Variants in ZMYND8 observed in about 807,000 individuals in gnomAD.
ZMYND8 encodes zinc finger MYND-type containing 8, also known as MYND-type zinc finger-containing chromatin reader ZMYND8.
Under a neutral mutation model 140.8 loss-of-function variants are expected in ZMYND8, and 37 were observed. The observed-to-expected ratio is 0.26, with a 90% confidence interval of 0.20 to 0.35. The LOEUF (loss-of-function observed/expected upper bound fraction) is 0.35. Ranked by LOEUF, ZMYND8 falls within the 10% of genes least tolerant of loss-of-function variation. ZMYND8 has a pLI of 1.00. For missense variants in ZMYND8, 1,068 were observed against 1,570.0 expected (o/e 0.68, Z 5.40); for synonymous variants, 592 against 597.1 (o/e 0.99, Z 0.12).
At chr20:47,240,236 CG>C (rs1380780937) in intron 14 of ZMYND8, among the ~76,000 whole-genome samples, 1 of 151,044 alleles carries the variant, frequency 6.6e-6, no homozygotes, top group Non-Finnish European at 1.5e-5. Flanking sequence ...ACTAATAGGC[CG>C]GGCGCAGTGG....
chr20:47,294,286 A>T (rs1480182646), intron 5 of ZMYND8, among the ~76,000 whole-genome samples: 1 of 152,024 alleles, frequency 6.6e-6, no homozygotes, highest in East Asian at 1.9e-4. Context: ...TGGGAGGCAG[A>T]GGTTGCAGTG....
At position 47,255,767 on chromosome 20, in the gene ZMYND8, G is replaced by C. The variant is rs542814118; in HGVS notation, c.1622-6328C>G. Reference sequence around the variant, plus strand: ...ATATATATATATATATATATATACGGTATATATATATATTTGTATGTGTAT... The same window carrying C: ...ATATATATATATATATATATATACGCTATATATATATATTTGTATGTGTAT... On this transcript the variant is annotated intron_variant, in intron 12 of 22. Transcript: ENST00000471951. Among the ~76,000 whole-genome samples, 420 of 67,392 alleles carry C rather than the reference G, an allele frequency of 6.2e-3. 7 individuals carry two copies. The highest frequency in any genetic ancestry group is 0.029 in the African/African-American group (406 of 14,058). 44.2% of individuals were successfully genotyped at this position (67,392 alleles called of 152,430 possible).
chr20:47,280,053 G>A (rs1181741639), intron 10 of ZMYND8, among the ~76,000 whole-genome samples: 1 of 149,414 alleles, frequency 6.7e-6, no homozygotes, highest in Non-Finnish European at 1.5e-5. Context: ...AATCCGGGAA[G>A]AGAAGGCTGC....
chr20:47,273,884 A>C (rs2076104971), intron 11 of ZMYND8, among the ~76,000 whole-genome samples: 1 of 152,252 alleles, frequency 6.6e-6, no homozygotes, highest in Non-Finnish European at 1.5e-5. Flanking sequence ...AAAAGGGGGC[A>C]ATTTGTAAGA....
intron 2 of ZMYND8, among the ~76,000 whole-genome samples, chr20:47,337,559 TTCC>T (rs1218684735): frequency 6.6e-6 from 1 of 152,140 alleles, no homozygotes; most frequent in African/African-American, 2.4e-5. Flanking sequence ...ACTTTGACAC[TTCC>T]TTAATTCATC....
At chr20:47,261,908 TA>T (rs1279864999) in intron 12 of ZMYND8, among the ~76,000 whole-genome samples, 14 of 151,950 alleles carry the variant, frequency 9.2e-5, no homozygotes, top group African/African-American at 3.1e-4. Flanking sequence ...CTGTCTCTAC[TA>T]AAAATAGAAA....
In ZMYND8 at chr20:47,246,270, G is replaced by A. The variant is rs1601216298; in HGVS notation, c.2022C>T (p.Ala674=). The change falls in exon 14 of 23, where the codon GCC becomes GCT. Residue 674 remains alanine (A), a synonymous_variant. Transcript: ENST00000471951. ...IKEELKSTSP[A]SEKADPGAVK... is the part of the protein sequence containing the mutation. The stretch of plus-strand genomic sequence containing the variant: ...CTGCTCCAGGGTCTGCCTTCTCGCT[G>A]GCTGGTGACGTGCTTTTCAGCTCCT... The A allele has an allele frequency of 1.2e-6, 2 of 1,614,176 alleles. No individual in the cohort carries two copies. Among genetic ancestry groups the A allele is most frequent in the Non-Finnish European group, 1.7e-6 (2 of 1,180,036 alleles).
intron 12 of ZMYND8, among the ~76,000 whole-genome samples, chr20:47,251,648 A>G (rs2147360503): frequency 6.6e-6 from 1 of 152,314 alleles, no homozygotes; most frequent in Non-Finnish European, 1.5e-5. Flanking sequence ...CTGTCCGGCA[A>G]GAAATCTGAA....
chr20:47,223,813 C>T (rs1222335986), intron 19 of ZMYND8, among the ~76,000 whole-genome samples: 2 of 145,748 alleles, frequency 1.4e-5, no homozygotes, highest in Non-Finnish European at 3.0e-5. Flanking sequence ...GCAACAAGAG[C>T]GAAACTCTGT....
At chr20:47,290,127 A>G (rs538466546) in intron 7 of ZMYND8, 60 bp downstream of exon 7, 54 of 1,485,832 alleles carry the variant, frequency 3.6e-5, no homozygotes, top group Admixed American at 6.0e-5. Flanking sequence ...CATGAAGGAC[A>G]GGAATTTGTG....
chr20:47,297,248 T>C (rs1055117543), intron 4 of ZMYND8, among the ~76,000 whole-genome samples: 5 of 152,176 alleles, frequency 3.3e-5, no homozygotes, highest in Admixed American at 6.5e-5. Flanking sequence ...CGTCATCATA[T>C]TGATTTCATG....
intron 21 of ZMYND8, among the ~76,000 whole-genome samples, chr20:47,218,143 T>C (rs1025464960): frequency 3.3e-5 from 5 of 152,234 alleles, no homozygotes; most frequent in Non-Finnish European, 5.9e-5. Context: ...ATGGAAAAAG[T>C]TTCTTGACCC....
chr20:47,262,256 A>T, intron 12 of ZMYND8, 32 bp downstream of exon 12: 2 of 1,613,952 alleles, frequency 1.2e-6, no homozygotes, highest in African/African-American at 2.7e-5. Flanking sequence ...CACAGTTGCC[A>T]CAGAAAGATA....
intron 4 of ZMYND8, among the ~76,000 whole-genome samples, chr20:47,295,376 G>A (rs1403891534): frequency 1.3e-5 from 2 of 152,234 alleles, no homozygotes; most frequent in Non-Finnish European, 2.9e-5. Flanking sequence ...CTGGGTGACA[G>A]AGCGAGACCC....
In ZMYND8 at chr20:47,250,842, T is replaced by C. The variant is rs144595175; in HGVS notation, c.1622-1403A>G. 8.5e-5 allele frequency among the ~76,000 whole-genome samples: 13 copies of C among 152,272 alleles called. No homozygotes were observed. The East Asian group carries it at 1.9e-3, about 23-fold the overall frequency. On this transcript the variant is annotated intron_variant, in intron 12 of 22. Transcript: ENST00000471951. ...GCAATAAATTGCTCCAACTTAATTT[T>C]ATCAGCCCCCAGGATAAGATTAGAA...
intron 1 of ZMYND8, among the ~76,000 whole-genome samples, chr20:47,350,526 T>C (rs2082701830): frequency 1.3e-5 from 2 of 151,636 alleles, no homozygotes; most frequent in African/African-American, 2.4e-5. Context: ...AAAATGAATA[T>C]TACATCAAAA....
intron 2 of ZMYND8, among the ~76,000 whole-genome samples, chr20:47,327,558 A>T (rs2080542779): frequency 6.8e-6 from 1 of 147,084 alleles, no homozygotes; most frequent in Non-Finnish European, 1.5e-5. Flanking sequence ...TGGGAGGCTG[A>T]GGCAGGAGAA....
intron 1 of ZMYND8, chr20:47,351,790 T>G: frequency 1.8e-5 from 18 of 985,448 alleles, no homozygotes; most frequent in Non-Finnish European, 2.0e-5. Context: ...GCCTCATTCC[T>G]GTGTTGAAGC....
intron 20 of ZMYND8, 98 bp downstream of exon 20, chr20:47,221,216 C>G: frequency 6.7e-7 from 1 of 1,503,460 alleles, no homozygotes; most frequent in South Asian, 1.3e-5. Flanking sequence ...GACAAGCCTC[C>G]CACAACACGG....
Sources: allele counts gnomAD v4.1 joint callset (sites outside exome capture counted in the v4.1 genomes callset), GRCh38; gene constraint gnomAD v4.1.1; transcripts MANE v1.5; gene names NCBI Gene and HGNC (gene_info 2026-07-23, HGNC 2026-07-21).